Variants in CASD1 observed in about 807,000 individuals in gnomAD.
CASD1 encodes N-acetylneuraminate (7)9-O-acetyltransferase.
A neutral mutation model predicts 100.0 loss-of-function variants in CASD1; 41 were observed. The ratio of observed to expected loss-of-function variants is 0.41; its 90% CI spans 0.32 to 0.53. The LOEUF (loss-of-function observed/expected upper bound fraction) is 0.53. CASD1 is among the 20% of genes least tolerant of loss of function. CASD1 has a pLI of 0.25. For synonymous variants in CASD1, 321 were observed against 315.6 expected (o/e 1.02, Z -0.18); for missense variants, 774 against 948.7 (o/e 0.82, Z 2.42).
At chr7:94,622,286 TCTCATAAA>T in the CASD1 span, 118 of 152,262 alleles carry the variant, frequency 7.7e-4, no homozygotes, top group African/African-American at 2.7e-3. Flanking sequence ...CTCCTGTCAT[TCTCATAAA>T]TGATATCTAA....
At chr7:94,554,284 A>C (rs750440259) in intron 16 of CASD1, 199 bp from the exon 17 acceptor site, 21 of 461,542 alleles carry the variant, frequency 4.5e-5, no homozygotes, top group Non-Finnish European at 7.0e-5. Flanking sequence ...CAGCATACCG[A>C]CCATGTGTTG....
the CASD1 span, among the ~76,000 whole-genome samples, chr7:94,580,785 C>G: frequency 6.6e-6 from 1 of 152,208 alleles, no homozygotes; most frequent in Non-Finnish European, 1.5e-5. Context: ...AATACTTCTT[C>G]GCATACCAGC....
chr7:94,536,677 A>AT (rs1331048317), intron 8 of CASD1, among the ~76,000 whole-genome samples: 3 of 147,826 alleles, frequency 2.0e-5, no homozygotes, highest in Non-Finnish European at 3.0e-5. Flanking sequence ...AAAGGATGAG[A>AT]TTTTCTCAAA....
the CASD1 span, among the ~76,000 whole-genome samples, chr7:94,565,189 C>A: frequency 6.6e-6 from 1 of 152,072 alleles, no homozygotes; most frequent in Non-Finnish European, 1.5e-5. Context: ...TTATGTGCCA[C>A]TACCTGGCCT....
At chr7:94,559,304 G>GTGTGTGTGTT (rs549068855), downstream of CASD1, among the ~76,000 whole-genome samples, 1 of 124,926 alleles carries the variant, frequency 8.0e-6, no homozygotes, top group African/African-American at 2.6e-5. Context: ...GTGTGTGTGT[G>GTGTGTGTGTT]TATGTGTGTG....
chr7:94,513,592 A>G (rs1035498903), intron 1 of CASD1, among the ~76,000 whole-genome samples: 1 of 152,218 alleles, frequency 6.6e-6, no homozygotes, highest in Non-Finnish European at 1.5e-5. Flanking sequence ...CACCCACAGC[A>G]GTAGGAATTA....
chr7:94,561,628 G>A (rs550056305), downstream of CASD1, among the ~76,000 whole-genome samples: 11 of 151,838 alleles, frequency 7.2e-5, no homozygotes, highest in East Asian at 1.6e-3. Context: ...AGAGAACCTC[G>A]GTCAAACTCT....
chr7:94,549,439 A>G, intron 13 of CASD1, 94 bp from the exon 14 acceptor site: 1 of 809,128 alleles, frequency 1.2e-6, no homozygotes, highest in South Asian at 2.1e-5. Context: ...CTCTTATATA[A>G]TCCAAACTTC....
At chr7:94,569,597 T>A in the CASD1 span, among the ~76,000 whole-genome samples, 1 of 151,606 alleles carries the variant, frequency 6.6e-6, no homozygotes, top group African/African-American at 2.4e-5. Flanking sequence ...TTAGCACCTC[T>A]GTGCTTGGCC....
the CASD1 span, among the ~76,000 whole-genome samples, chr7:94,596,355 C>T: frequency 6.6e-6 from 1 of 152,116 alleles, no homozygotes; most frequent in Non-Finnish European, 1.5e-5. Flanking sequence ...ATGACAGCAA[C>T]CTTTTTCCGC....
In CASD1 at chr7:94,537,531, C is replaced by T; in HGVS notation, c.903C>T (p.Ser301=). The T allele has an allele frequency of 6.2e-7, 1 of 1,613,866 alleles. No homozygotes were observed. Residue 301 remains serine, a synonymous_variant, in exon 9 of 18, where the codon TCC becomes TCT. Transcript: ENST00000297273. ...AGATTTTGAAGCCTGTAGATGGGTC[C>T]TGTTGTCAACCTCGGCCTCCTGTTA... ...CNKILKPVDG[S]CCQPRPPVTL...
At chr7:94,544,663 G>A (rs1223858993) in intron 11 of CASD1, 133 bp downstream of exon 11, 2 of 835,130 alleles carry the variant, frequency 2.4e-6, no homozygotes, top group Admixed American at 3.5e-5. Context: ...GCACTGTGAA[G>A]TTGTATTCTG....
chr7:94,530,366 G>T (rs1335301762), intron 5 of CASD1, among the ~76,000 whole-genome samples: 9 of 152,092 alleles, frequency 5.9e-5, no homozygotes, highest in Admixed American at 5.9e-4. Context: ...TGTTGGTTTT[G>T]GTTGTTCTTT....
intron 15 of CASD1, 75 bp from the exon 16 acceptor site, chr7:94,552,275 A>G: frequency 8.0e-6 from 8 of 1,001,508 alleles, no homozygotes; most frequent in Non-Finnish European, 1.2e-5. Flanking sequence ...AAGAACTGTA[A>G]AAAAAAAACA....
chr7:94,526,520 G>T (rs1794575386), intron 3 of CASD1, among the ~76,000 whole-genome samples: 1 of 152,226 alleles, frequency 6.6e-6, no homozygotes, highest in Non-Finnish European at 1.5e-5. Context: ...GGGCACGGTG[G>T]CACATGCCTT....
chr7:94,588,754 G>T, the CASD1 span: 1 of 1,613,212 alleles, frequency 6.2e-7, no homozygotes, highest in Non-Finnish European at 8.5e-7. Context: ...GAACATTTTT[G>T]AGTAAAACTG....
chr7:94,527,082 AAATC>A (rs1422644302), intron 3 of CASD1, 76 bp from the exon 4 acceptor site: 8 of 1,027,148 alleles, frequency 7.8e-6, no homozygotes, highest in Admixed American at 2.0e-5. Context: ...GCATAAAAAT[AAATC>A]AAAGCAGCTA....
the CASD1 span, chr7:94,623,301 TGATCAAC>T: frequency 7.2e-7 from 1 of 1,395,860 alleles, no homozygotes; most frequent in Non-Finnish European, 1.0e-6. Context: ...AAATAAGAAA[TGATCAAC>T]ATATTTTCAT....
the CASD1 span, among the ~76,000 whole-genome samples, chr7:94,604,858 T>TATATATAA: frequency 4.4e-4 from 33 of 75,200 alleles, no homozygotes; most frequent in Middle Eastern, 9.1e-3. Context: ...TATATATATA[T>TATATATAA]AATAGTTGTT....
Sources: gnomAD v4.1 joint callset for allele counts (sites outside exome capture counted in the v4.1 genomes callset) on GRCh38, gnomAD v4.1.1 for gene constraint, MANE v1.5 for transcripts, NCBI Gene and HGNC (gene_info 2026-07-23, HGNC 2026-07-21) for gene names.